Variants in CREG1 observed in about 807,000 individuals in gnomAD.
The protein encoded by CREG1 is cellular repressor of E1A stimulated genes 1.
A neutral mutation model predicts 19.9 loss-of-function variants in CREG1; 20 were observed. The ratio of observed to expected loss-of-function variants is 1.01; its 90% CI spans 0.71 to 1.46. CREG1 has a LOEUF of 1.46. CREG1 is among the 40% of genes most tolerant of loss of function. The pLI, the probability that CREG1 is intolerant of heterozygous loss-of-function variation, is 0.00. For synonymous variants in CREG1, 141 were observed against 143.3 expected, an observed-to-expected ratio of 0.98 and a Z score of 0.12; for missense variants, 290 against 314.9, an observed-to-expected ratio of 0.92 and a Z score of 0.60.
intron 3 of CREG1, among the ~76,000 whole-genome samples, chr1:167,544,301 A>G (rs1450171740): frequency 6.6e-6 from 1 of 152,108 alleles, no homozygotes; most frequent in Non-Finnish European, 1.5e-5. Context: ...ACACTGTCCT[A>G]GGCCCTGCTT....
At chr1:167,542,322 G>A (rs761052960) in intron 3 of CREG1, 21 bp from the exon 4 acceptor site, 8 of 1,596,746 alleles carry the variant, frequency 5.0e-6, no homozygotes, top group Non-Finnish European at 5.1e-6. Flanking sequence ...GAACAGAGAA[G>A]AATTATTTTG....
chr1:167,548,432 T>C (rs1483606214), intron 1 of CREG1, among the ~76,000 whole-genome samples: 2 of 152,204 alleles, frequency 1.3e-5, no homozygotes, highest in Non-Finnish European at 2.9e-5. Flanking sequence ...ACACCCAAAT[T>C]CAAGGCTGTT....
At chr1:167,546,591 G>A (rs758743012) in intron 2 of CREG1, among the ~76,000 whole-genome samples, 7 of 151,892 alleles carry the variant, frequency 4.6e-5, no homozygotes, top group Non-Finnish European at 1.0e-4. Context: ...GCGGTGAGCC[G>A]AGATCGTGCC....
intron 1 of CREG1, among the ~76,000 whole-genome samples, chr1:167,553,047 A>C (rs1656446500): frequency 4.1e-5 from 2 of 48,232 alleles, no homozygotes; most frequent in Non-Finnish European, 8.7e-5. Context: ...ATTCTGTCTC[A>C]AAGGGAAAAA....
intron 1 of CREG1, 51 bp from the exon 2 acceptor site, chr1:167,548,172 G>A: frequency 6.6e-7 from 1 of 1,514,696 alleles, no homozygotes; most frequent in Non-Finnish European, 9.0e-7. Flanking sequence ...TTTCTGGAGA[G>A]GTAATAAATT....
intron 1 of CREG1, 52 bp from the exon 2 acceptor site, chr1:167,548,173 G>C (rs1219206482): frequency 6.6e-7 from 1 of 1,510,840 alleles, no homozygotes. Context: ...TTCTGGAGAG[G>C]TAATAAATTT....
At chr1:167,547,506 T>C (rs1393205323) in intron 2 of CREG1, among the ~76,000 whole-genome samples, 1 of 152,222 alleles carries the variant, frequency 6.6e-6, no homozygotes, top group Non-Finnish European at 1.5e-5. Context: ...ATATCTTATT[T>C]AACACCTATA....
chr1:167,548,169 AG>A, intron 1 of CREG1, 48 bp from the exon 2 acceptor site: 4 of 1,529,822 alleles, frequency 2.6e-6, no homozygotes, highest in Non-Finnish European at 3.6e-6. Context: ...TGGTTTCTGG[AG>A]AGGTAATAAA....
At position 167,553,752 on chromosome 1, in the gene CREG1, C is replaced by G; in HGVS notation, c.-11G>C. 2 of 1,252,046 alleles carry G rather than the reference C, an allele frequency of 1.6e-6. No individual in the cohort carries two copies. The highest frequency in any genetic ancestry group is 3.2e-5 in the East Asian group (1 of 31,686). 77.6% of individuals were successfully genotyped at this position (1,252,046 alleles called of 1,614,324 possible). A position where few individuals can be genotyped will look rare whatever the true frequency, so the allele number is the denominator to read the frequency against. ...GGATAGCCCGGCCATGGCGGTGTCTCCAGGAAGAGTCCCGGGCCCCAAGAC... is the reference window on the plus strand; with the variant it reads ...GGATAGCCCGGCCATGGCGGTGTCTGCAGGAAGAGTCCCGGGCCCCAAGAC... On this transcript the variant is annotated 5_prime_UTR_variant, in exon 1 of 4. Coordinates refer to ENST00000370509, the MANE Select transcript of CREG1 (RefSeq NM_003851.3).
At position 167,542,238 on chromosome 1, in the gene CREG1, A is replaced by G. The variant is rs552817963; in HGVS notation, c.*60T>C. The G allele has an allele frequency of 2.7e-6, 4 of 1,500,398 alleles. No individual in the cohort carries two copies. In the East Asian group the frequency reaches 7.2e-5, roughly 27 times the overall value. The allele number at this position is 1,500,398 out of a possible 1,614,324, so 92.9% of individuals were successfully genotyped here. The stretch of plus-strand genomic sequence containing the variant: ...TTCCAGAGAAACATTAAGCCTTTTA[A>G]GTGTGTATGAGCCACTTTAAGAAAC... On this transcript the variant is annotated 3_prime_UTR_variant, in exon 4 of 4. Transcript: ENST00000370509.
chr1:167,545,853 T>C (rs1342185969), intron 3 of CREG1, among the ~76,000 whole-genome samples: 1 of 151,994 alleles, frequency 6.6e-6, no homozygotes, highest in Non-Finnish European at 1.5e-5. Flanking sequence ...TTATATTTAA[T>C]ATATTAATAA....
chr1:167,553,530 A>C lies in CREG1; in HGVS notation c.212T>G (p.Leu71Arg). The C allele has an allele frequency of 2.0e-6, 3 of 1,483,654 alleles. No individual in the cohort carries two copies. Among genetic ancestry groups the C allele is most frequent in the Non-Finnish European group, 2.7e-6 (3 of 1,124,472 alleles). 91.9% of individuals were successfully genotyped at this position (1,483,654 alleles called of 1,614,324 possible). A position where few individuals can be genotyped will look rare whatever the true frequency, so the allele number is the denominator to read the frequency against. ...FVTHVSDWGA[L>R]ATISTLEAVR... is the part of the protein sequence containing the mutation. ...CGCCTCCAGCGTGGAGATGGTGGCCAGAGCGCCCCAGTCGGAGACGTGCGT... is the reference window on the plus strand; with the variant it reads ...CGCCTCCAGCGTGGAGATGGTGGCCCGAGCGCCCCAGTCGGAGACGTGCGT... Residue 71 changes from leucine (L) to arginine (R), a missense_variant, in exon 1 of 4, where the codon CTG becomes CGG. Coordinates refer to ENST00000370509, the MANE Select transcript of CREG1 (RefSeq NM_003851.3).
intron 3 of CREG1, among the ~76,000 whole-genome samples, chr1:167,543,114 G>A (rs923343240): frequency 2.6e-5 from 4 of 152,064 alleles, no homozygotes; most frequent in Non-Finnish European, 5.9e-5. Flanking sequence ...AGGCGTGGTG[G>A]CAGGTGCCTG....
rs1214627233 is a variant in CREG1, at chr1:167,547,999, T to TA, written c.474+2dup. The TA allele has an allele frequency of 6.2e-6, 10 of 1,608,706 alleles. No homozygotes were observed. The highest frequency in any genetic ancestry group is 7.7e-6 in the Non-Finnish European group (9 of 1,175,354). On this transcript the variant is annotated splice_region_variant and intron_variant, in intron 2 of 3. Coordinates refer to ENST00000370509, the MANE Select transcript of CREG1 (RefSeq NM_003851.3). Reference sequence around the variant, plus strand: ...TCTCCCTTCCTGTAGGATAACTACTTACCTTGGTCACAGTTCCTGACAGCA... The same window carrying TA: ...TCTCCCTTCCTGTAGGATAACTACTTAACCTTGGTCACAGTTCCTGACAGCA...
intron 2 of CREG1, among the ~76,000 whole-genome samples, chr1:167,546,563 AC>A (rs1656329284): frequency 2.0e-5 from 3 of 151,460 alleles, no homozygotes; most frequent in Admixed American, 2.0e-4. Context: ...AATGGCATGA[AC>A]CCGGGAGGCG....
rs1435930598 is a variant in CREG1, at chr1:167,548,018, G to C, written c.458C>G (p.Ser153Ter). ...QSPLCVHIML[S>*]GTVTKVNETE... ...ACTACTTACCTTGGTCACAGTTCCT[G>C]ACAGCATTATGTGAACACAAAGGGG... is the stretch of plus-strand genomic sequence containing the variant. The change falls in exon 2 of 4, where the codon TCA becomes TGA. Residue 153 changes from serine to a stop codon, truncating the protein, a stop_gained. Transcript: ENST00000370509. LOFTEE classifies it high-confidence loss of function. The C allele has an allele frequency of 6.2e-6, 10 of 1,613,044 alleles. No individual in the cohort carries two copies. Among genetic ancestry groups the C allele is most frequent in the Non-Finnish European group, 8.5e-6 (10 of 1,179,176 alleles).
chr1:167,544,395 A>G (rs1458217996), intron 3 of CREG1, among the ~76,000 whole-genome samples: 2 of 152,176 alleles, frequency 1.3e-5, no homozygotes, highest in African/African-American at 2.4e-5. Context: ...GAATTGTTCT[A>G]CAATTGAAAA....
chr1:167,549,739 C>G (rs913289259), intron 1 of CREG1, among the ~76,000 whole-genome samples: 1 of 151,994 alleles, frequency 6.6e-6, no homozygotes, highest in African/African-American at 2.4e-5. Flanking sequence ...CCACCCAGTG[C>G]AGTGGCACAA....
In CREG1 at chr1:167,553,586, G is replaced by A. The variant is rs1656468196; in HGVS notation, c.156C>T (p.Arg52=). The part of the protein sequence containing the change: ...EASRLPPLPP[R]EDAARVARFV... ...AGCGGGCCACGCGCGCCGCGTCCTC[G>A]CGGGGTGGTAGCGGCGGCAGCCGGG... Residue 52 remains arginine, a synonymous_variant, in exon 1 of 4, where the codon CGC becomes CGT. Transcript: ENST00000370509. 3 of 1,430,512 alleles carry A rather than the reference G, an allele frequency of 2.1e-6. No homozygotes were observed. The highest frequency in any genetic ancestry group is 2.7e-6 in the Non-Finnish European group (3 of 1,097,114). 88.6% of individuals were successfully genotyped at this position (1,430,512 alleles called of 1,614,324 possible).
Sources: gnomAD v4.1 joint callset for allele counts (sites outside exome capture counted in the v4.1 genomes callset) on GRCh38, gnomAD v4.1.1 for gene constraint, MANE v1.5 for transcripts, NCBI Gene and HGNC (gene_info 2026-07-23, HGNC 2026-07-21) for gene names.